MYO3B: variants seen among roughly 807,000 people sequenced by gnomAD.
The protein encoded by MYO3B is myosin-IIIb.
A neutral mutation model predicts 174.6 loss-of-function variants in MYO3B; 156 were observed. That is an observed-to-expected ratio of 0.89 (90% CI 0.78 to 1.02). The LOEUF is 1.02. Among genes scored for constraint, MYO3B ranks in the 50% least tolerant of loss-of-function variants. The probability of loss-of-function intolerance (pLI) is 0.00; values close to 1 mark genes in which losing one functional copy is unlikely to be tolerated. For synonymous variants in MYO3B, 563 were observed against 569.1 expected (o/e 0.99, Z 0.15); for missense variants, 1,632 against 1,639.4 (o/e 1.00, Z 0.08).
At chr2:170,517,703 TGTATC>T (rs1351905515) in intron 29 of MYO3B, among the ~76,000 whole-genome samples, 1 of 152,192 alleles carries the variant, frequency 6.6e-6, no homozygotes. Flanking sequence ...GAAAGATACT[TGTATC>T]CCTGAAGTGG....
intron 32 of MYO3B, among the ~76,000 whole-genome samples, chr2:170,610,869 A>G (rs1391954570): frequency 6.6e-6 from 1 of 152,216 alleles, no homozygotes; most frequent in Admixed American, 6.5e-5. Context: ...TGAGCAATTT[A>G]TATATTGTGA....
chr2:170,248,527 G>C (rs887841352), intron 7 of MYO3B, among the ~76,000 whole-genome samples: 3 of 152,172 alleles, frequency 2.0e-5, no homozygotes, highest in Admixed American at 1.3e-4. Flanking sequence ...CTAAAATCAA[G>C]GTGTCACAGG....
chr2:170,460,083 G>A (rs1194186211), intron 23 of MYO3B, among the ~76,000 whole-genome samples: 2 of 152,178 alleles, frequency 1.3e-5, no homozygotes, highest in Non-Finnish European at 2.9e-5. Context: ...CAGTGCAGTG[G>A]CGGGCTGAAG....
chr2:170,369,409 GGTT>G (rs759610024), intron 9 of MYO3B, 32 bp downstream of exon 9: 10 of 1,585,164 alleles, frequency 6.3e-6, no homozygotes, highest in Non-Finnish European at 7.7e-6. Flanking sequence ...TTCTCCCTGT[GGTT>G]GTTTATAAAA....
chr2:170,238,193 G>T (rs2093092824), intron 7 of MYO3B, among the ~76,000 whole-genome samples: 1 of 152,200 alleles, frequency 6.6e-6, no homozygotes, highest in South Asian at 2.1e-4. Context: ...TCCTGTGTGA[G>T]TGCTACTTAA....
intron 7 of MYO3B, among the ~76,000 whole-genome samples, chr2:170,287,879 T>A (rs182062142): frequency 7.9e-5 from 12 of 152,218 alleles, no homozygotes; most frequent in East Asian, 1.9e-4. Context: ...AATTATTCAA[T>A]CCATTTTGAT....
chr2:170,217,424 T>G (rs756132820), intron 6 of MYO3B, 29 bp downstream of exon 6: 15 of 1,578,290 alleles, frequency 9.5e-6, no homozygotes, highest in Non-Finnish European at 1.2e-5. Context: ...GTTCTTTCTT[T>G]GCACTTGTTG....
chr2:170,308,467 T>C (rs758790906), intron 7 of MYO3B, among the ~76,000 whole-genome samples: 4 of 152,206 alleles, frequency 2.6e-5, no homozygotes, highest in Non-Finnish European at 5.9e-5. Context: ...TTTATGTCAA[T>C]GGATGTGTGA....
intron 32 of MYO3B, among the ~76,000 whole-genome samples, chr2:170,576,494 C>T (rs559986285): frequency 1.3e-5 from 2 of 152,328 alleles, no homozygotes; most frequent in African/African-American, 4.8e-5. Flanking sequence ...TTGTAGTTTT[C>T]CTCTAGCATC....
At chr2:170,516,769 C>T (rs1386200680) in intron 29 of MYO3B, among the ~76,000 whole-genome samples, 1 of 152,186 alleles carries the variant, frequency 6.6e-6, no homozygotes, top group Non-Finnish European at 1.5e-5. Flanking sequence ...TAGGAACCCT[C>T]CCTGATGAAA....
intron 16 of MYO3B, among the ~76,000 whole-genome samples, chr2:170,392,886 T>G (rs78646682): frequency 0.017 from 2,420 of 142,778 alleles, 61 homozygotes; most frequent in African/African-American, 0.058. Flanking sequence ...TTGAGCGTTC[T>G]TCCAACCATT....
chr2:170,351,885 T>G (rs531859239), intron 8 of MYO3B, among the ~76,000 whole-genome samples: 1 of 152,316 alleles, frequency 6.6e-6, no homozygotes, highest in East Asian at 1.9e-4. Context: ...ACTCTAATCA[T>G]ACAGTTGGGG....
In MYO3B at chr2:170,363,536, T is replaced by A. The variant is rs368575809; in HGVS notation, c.816-5686T>A. Among the ~76,000 whole-genome samples the A allele has an allele frequency of 7.6e-4, 115 of 152,286 alleles. 2 individuals carry two copies. The South Asian group carries it at 0.021, about 28-fold the overall frequency. The stretch of plus-strand genomic sequence containing the variant: ...AGCTTGAGAGCCCGACCTTGTTTCT[T>A]GCTAAGAAATGTCCCGTTTTTGCCT... On this transcript the variant is annotated intron_variant, in intron 8 of 34. Coordinates refer to ENST00000408978, the MANE Select transcript of MYO3B (RefSeq NM_138995.5).
At chr2:170,357,461 A>G (rs1381587180) in intron 8 of MYO3B, among the ~76,000 whole-genome samples, 2 of 150,918 alleles carry the variant, frequency 1.3e-5, no homozygotes, top group African/African-American at 2.4e-5. Context: ...CCAGAGCCCC[A>G]TTTGTGGACA....
chr2:170,267,962 C>T (rs2093396492), intron 7 of MYO3B, among the ~76,000 whole-genome samples: 2 of 152,100 alleles, frequency 1.3e-5, no homozygotes, highest in South Asian at 2.1e-4. Flanking sequence ...AATCCCAGCA[C>T]TTTGGGAGGC....
intron 32 of MYO3B, among the ~76,000 whole-genome samples, chr2:170,567,169 A>G (rs1692122303): frequency 6.6e-6 from 1 of 152,146 alleles, no homozygotes. Flanking sequence ...CTAAGAGCAA[A>G]AATTAAATAA....
intron 7 of MYO3B, among the ~76,000 whole-genome samples, chr2:170,333,067 C>T (rs2093923197): frequency 6.6e-6 from 1 of 152,126 alleles, no homozygotes; most frequent in South Asian, 2.1e-4. Flanking sequence ...CAGTAGATTG[C>T]TTAAGCAGCT....
At chr2:170,457,973 C>T (rs889346604) in intron 23 of MYO3B, among the ~76,000 whole-genome samples, 6 of 152,124 alleles carry the variant, frequency 3.9e-5, no homozygotes. Context: ...AGGCTGGTCT[C>T]GAACTCCTGA....
intron 32 of MYO3B, among the ~76,000 whole-genome samples, chr2:170,563,239 G>A (rs185122537): frequency 1.3e-5 from 2 of 152,186 alleles, no homozygotes; most frequent in Non-Finnish European, 1.5e-5. Flanking sequence ...TTAATAAAGG[G>A]ATTATTTTTT....
Sources: allele counts gnomAD v4.1 joint callset (sites outside exome capture counted in the v4.1 genomes callset), GRCh38; gene constraint gnomAD v4.1.1; transcripts MANE v1.5; gene names NCBI Gene and HGNC (gene_info 2026-07-23, HGNC 2026-07-21).